The following MFSD12 variants were observed in gnomAD, a reference collection of about 807,000 sequenced individuals.
MFSD12 encodes major facilitator superfamily domain containing 12.
Under a neutral mutation model 51.2 loss-of-function variants are expected in MFSD12, and 67 were observed. That is an observed-to-expected ratio of 1.31 (90% CI 1.08 to 1.60). The LOEUF is 1.60. Ranked by LOEUF, MFSD12 falls within the 40% of genes most tolerant of loss-of-function variation. The pLI is 0.00. For missense variants in MFSD12, 921 were observed against 673.0 expected (o/e 1.37, Z -4.08); for synonymous variants, 441 against 316.7 (o/e 1.39, Z -4.17).
downstream of MFSD12, chr19:3,539,390 G>A: frequency 1.6e-6 from 1 of 630,574 alleles, no homozygotes; most frequent in Non-Finnish European, 2.9e-6. Context: ...TCATGTGTGT[G>A]ACGTCCCCTC....
intron 1 of MFSD12, among the ~76,000 whole-genome samples, chr19:3,553,368 G>A (rs1174430848): frequency 6.6e-6 from 1 of 151,938 alleles, no homozygotes; most frequent in Non-Finnish European, 1.5e-5. Flanking sequence ...AGCACTTTGG[G>A]AGGCTGAGGT....
chr19:3,545,504 T>A (rs1450360489), intron 8 of MFSD12, among the ~76,000 whole-genome samples: 1 of 152,220 alleles, frequency 6.6e-6, no homozygotes, highest in Admixed American at 6.5e-5. Context: ...TCCCTCCCCA[T>A]TGGCCTGGAA....
chr19:3,546,004 TGGACACACAGCA>T, intron 8 of MFSD12, 58 bp downstream of exon 8: 2 of 1,531,094 alleles, frequency 1.3e-6, no homozygotes, highest in Non-Finnish European at 1.8e-6. Flanking sequence ...AGAACACTGC[TGGACACACAGCA>T]GGCGCTTAAT....
downstream of MFSD12, chr19:3,539,391 A>AG: frequency 4.8e-6 from 3 of 624,526 alleles, no homozygotes; most frequent in South Asian, 5.5e-5. Context: ...CATGTGTGTG[A>AG]CGTCCCCTCC....
chr19:3,554,039 G>A (rs186411720), intron 1 of MFSD12, among the ~76,000 whole-genome samples: 60 of 151,902 alleles, frequency 3.9e-4, no homozygotes, highest in African/African-American at 1.4e-3. Flanking sequence ...CTGAGATCAC[G>A]CCACTGCCTT....
At chr19:3,548,087 G>C (rs751768741) in intron 3 of MFSD12, 36 bp downstream of exon 3, 6 of 1,602,434 alleles carry the variant, frequency 3.7e-6, no homozygotes, top group South Asian at 2.2e-5. Context: ...CCCCTGGCTC[G>C]AGGACTTCAG....
rs765550918 is a variant in MFSD12 at position 3,544,950 on chromosome 19, A to C, written c.1290-11T>G. On this transcript the variant is annotated splice_polypyrimidine_tract_variant and intron_variant, in intron 8 of 9. Coordinates refer to ENST00000355415, the MANE Select transcript of MFSD12 (RefSeq NM_174983.5). Reference sequence around the variant, plus strand: ...CAGCAGAGCTCTGAGCTGTGGGAGGAGGCGGGGGATGAGTAGGCACCGCGG... The same window carrying C: ...CAGCAGAGCTCTGAGCTGTGGGAGGCGGCGGGGGATGAGTAGGCACCGCGG... 5.6e-6 allele frequency: 9 copies of C among 1,600,768 alleles called. No individual in the cohort carries two copies. The African/African-American group carries it at 1.1e-4, about 19-fold the overall frequency.
At chr19:3,538,833 C>A (rs563392888) in intron 4 of MFSD12, 67 of 561,618 alleles carry the variant, frequency 1.2e-4, no homozygotes, top group Non-Finnish European at 1.9e-4. Context: ...CCTGCGACCC[C>A]GGCCAGGCAC....
rs376694244 is a variant in MFSD12 at position 3,544,953 on chromosome 19, C to A, written c.1290-14G>T. The A allele has an allele frequency of 6.3e-7, 1 of 1,598,418 alleles. No homozygotes were observed. Among genetic ancestry groups the A allele is most frequent in the African/African-American group, 1.3e-5 (1 of 74,742 alleles). On this transcript the variant is annotated splice_polypyrimidine_tract_variant and intron_variant, in intron 8 of 9. Coordinates refer to ENST00000355415, the MANE Select transcript of MFSD12 (RefSeq NM_174983.5). ...CAGAGCTCTGAGCTGTGGGAGGAGG[C>A]GGGGGATGAGTAGGCACCGCGGGTA... is the stretch of plus-strand genomic sequence containing the variant.
At position 3,557,261 on chromosome 19, in the gene MFSD12, T is replaced by TGCAGGTAGAGCA; in HGVS notation, c.131_142dup (p.Leu44_Leu47dup). ...GCGGGAGCTGTAGGCGCGCACCGAG[T>TGCAGGTAGAGCA]GCAGGTAGAGCAGCAGGTAGGTGAA... On this transcript the variant is annotated inframe_insertion, in exon 1 of 10. Coordinates refer to ENST00000355415, the MANE Select transcript of MFSD12 (RefSeq NM_174983.5). The TGCAGGTAGAGCA allele has an allele frequency of 6.3e-7, 1 of 1,597,298 alleles. No homozygotes were observed. The highest frequency in any genetic ancestry group is 8.5e-7 in the Non-Finnish European group (1 of 1,173,574).
At chr19:3,546,639 G>T (rs917832934) in intron 6 of MFSD12, among the ~76,000 whole-genome samples, 2 of 152,264 alleles carry the variant, frequency 1.3e-5, no homozygotes, top group Non-Finnish European at 2.9e-5. Flanking sequence ...GGCTGGAGAC[G>T]TGTGGCTATT....
chr19:3,552,229 G>A (rs548798199), intron 1 of MFSD12, among the ~76,000 whole-genome samples: 3 of 151,428 alleles, frequency 2.0e-5, no homozygotes, highest in South Asian at 2.1e-4. Flanking sequence ...GTGCAGTGGC[G>A]AGATCTCGGC....
At chr19:3,539,222 G>C (rs573806279), downstream of MFSD12, 2 of 1,550,512 alleles carry the variant, frequency 1.3e-6, no homozygotes, top group Admixed American at 2.0e-5. Flanking sequence ...GTATCCCCTC[G>C]GGGACCCTCG....
intron 8 of MFSD12, 22 bp from the exon 9 acceptor site, chr19:3,544,961 G>T (rs372463087): frequency 2.3e-5 from 37 of 1,592,668 alleles, no homozygotes; most frequent in Non-Finnish European, 3.1e-5. Flanking sequence ...GGCGGGGGAT[G>T]AGTAGGCACC....
intron 6 of MFSD12, among the ~76,000 whole-genome samples, chr19:3,546,898 A>G (rs2031106339): frequency 1.3e-5 from 2 of 150,132 alleles, no homozygotes; most frequent in South Asian, 4.3e-4. Context: ...CAGTGGTGTG[A>G]TCTCATCTCA....
chr19:3,539,377 G>C (rs1054016369), downstream of MFSD12: 1 of 648,834 alleles, frequency 1.5e-6, no homozygotes, highest in African/African-American at 1.9e-5. Flanking sequence ...ATTCCTAAAA[G>C]GCTCATGTGT....
At chr19:3,539,500 A>ACTG (rs1555695793), downstream of MFSD12, 126 of 524,516 alleles carry the variant, frequency 2.4e-4, 1 homozygote, top group Non-Finnish European at 2.1e-5. Context: ...GTCTCCAAGG[A>ACTG]CTGCAAACGC....
In MFSD12 at chr19:3,544,632, G is replaced by T; in HGVS notation, c.*78C>A. The T allele has an allele frequency of 6.6e-7, 1 of 1,522,044 alleles. No homozygotes were observed. The allele number at this position is 1,522,044 out of a possible 1,614,324, so 94.3% of individuals were successfully genotyped here. A position where few individuals can be genotyped will look rare whatever the true frequency, so the allele number is the denominator to read the frequency against. On this transcript the variant is annotated 3_prime_UTR_variant, in exon 10 of 10. Coordinates refer to ENST00000355415, the MANE Select transcript of MFSD12 (RefSeq NM_174983.5). ...CAGAGAAGAGTGAGGGGCAGTGGGG[G>T]CTTTTCCCCAAGGCCCTGGGGGGCA...
intron 1 of MFSD12, among the ~76,000 whole-genome samples, chr19:3,553,808 G>A (rs1407625137): frequency 1.3e-5 from 2 of 151,568 alleles, no homozygotes; most frequent in Non-Finnish European, 2.9e-5. Context: ...GAGGCTGGGT[G>A]CGGTGGCTCA....
Sources: allele counts gnomAD v4.1 joint callset (sites outside exome capture counted in the v4.1 genomes callset), GRCh38; gene constraint gnomAD v4.1.1; transcripts MANE v1.5; gene names NCBI Gene and HGNC (gene_info 2026-07-23, HGNC 2026-07-21).